Variants in MDGA2 observed in about 807,000 individuals in gnomAD.
MDGA2 encodes the protein MAM domain-containing glycosylphosphatidylinositol anchor protein 2.
In MDGA2, 40 loss-of-function variants were observed where a neutral mutation model predicts 117.8. The observed-to-expected ratio is 0.34, with a 90% confidence interval of 0.26 to 0.44. The LOEUF (loss-of-function observed/expected upper bound fraction) is 0.44, where lower values mean the gene tolerates loss of function less well. Among genes scored for constraint, MDGA2 ranks in the 20% least tolerant of loss-of-function variants. The pLI is 1.00. For synonymous variants in MDGA2, 452 were observed against 439.0 expected (o/e 1.03, Z -0.37); for missense variants, 1,123 against 1,250.6 (o/e 0.90, Z 1.54).
chr14:47,603,672 T>A (rs956597757), intron 1 of MDGA2, among the ~76,000 whole-genome samples: 9 of 152,128 alleles, frequency 5.9e-5, no homozygotes, highest in African/African-American at 1.9e-4. Flanking sequence ...CTTCCCTTCC[T>A]CGTTTCCTTC....
At chr14:47,553,525 G>C (rs1895626700) in intron 1 of MDGA2, among the ~76,000 whole-genome samples, 1 of 151,900 alleles carries the variant, frequency 6.6e-6, no homozygotes, top group African/African-American at 2.4e-5. Context: ...TAATAGTGTG[G>C]ACATTTGAAA....
intron 1 of MDGA2, among the ~76,000 whole-genome samples, chr14:47,543,912 T>G (rs935608056): frequency 6.6e-6 from 1 of 152,180 alleles, no homozygotes; most frequent in Non-Finnish European, 1.5e-5. Context: ...ATATGTAACA[T>G]AGAAAGGCTT....
intron 1 of MDGA2, among the ~76,000 whole-genome samples, chr14:47,502,104 G>T: frequency 6.6e-6 from 1 of 152,034 alleles, no homozygotes; most frequent in East Asian, 1.9e-4. Context: ...GACTTAAAAG[G>T]TCCATTTGAA....
At chr14:47,429,905 A>G (rs1326513518) in intron 1 of MDGA2, among the ~76,000 whole-genome samples, 2 of 150,600 alleles carry the variant, frequency 1.3e-5, no homozygotes, top group East Asian at 3.9e-4. Context: ...GGGGGACCAT[A>G]ACATTACATA....
chr14:46,962,433 C>T (rs1885848837), intron 8 of MDGA2, among the ~76,000 whole-genome samples: 1 of 152,132 alleles, frequency 6.6e-6, no homozygotes, highest in African/African-American at 2.4e-5. Context: ...CAACAGATCC[C>T]TCCCCTAGTG....
intron 1 of MDGA2, among the ~76,000 whole-genome samples, chr14:47,631,090 C>T (rs1438350433): frequency 2.6e-5 from 4 of 152,178 alleles, no homozygotes; most frequent in Non-Finnish European, 5.9e-5. Context: ...ATGTGATCAC[C>T]TGGAAGGCTT....
chr14:47,136,800 A>G (rs1164034452), intron 4 of MDGA2, among the ~76,000 whole-genome samples: 1 of 152,216 alleles, frequency 6.6e-6, no homozygotes, highest in Non-Finnish European at 1.5e-5. Context: ...GTAAGGTTTT[A>G]GTAAGCTTCC....
intron 2 of MDGA2, among the ~76,000 whole-genome samples, chr14:47,265,527 G>C (rs758497533): frequency 5.9e-5 from 9 of 151,628 alleles, no homozygotes; most frequent in Non-Finnish European, 1.0e-4. Flanking sequence ...GATAGTTTGA[G>C]TATGTTACTA....
At chr14:47,256,161 C>A (rs76126326) in intron 2 of MDGA2, among the ~76,000 whole-genome samples, 5,144 of 151,222 alleles carry the variant, frequency 0.034, 198 homozygotes, top group East Asian at 0.18. Context: ...TTATTCAAGC[C>A]CCACAGCAAC....
chr14:47,164,273 C>G (rs970078073), intron 3 of MDGA2, among the ~76,000 whole-genome samples: 18 of 152,274 alleles, frequency 1.2e-4, no homozygotes, highest in Middle Eastern at 3.4e-3. Context: ...ATTTTAGGCA[C>G]ATTCCACAGC....
At chr14:47,657,884 T>A (rs1373159814) in intron 1 of MDGA2, among the ~76,000 whole-genome samples, 1 of 152,166 alleles carries the variant, frequency 6.6e-6, no homozygotes, top group Non-Finnish European at 1.5e-5. Flanking sequence ...CAGTCCTAAA[T>A]TAATGACTAT....
intron 7 of MDGA2, among the ~76,000 whole-genome samples, chr14:47,060,318 G>A (rs768088538): frequency 6.6e-6 from 1 of 152,042 alleles, no homozygotes; most frequent in Non-Finnish European, 1.5e-5. Context: ...AGTGTTCACT[G>A]CAATTTGGAA....
chr14:46,996,012 A>G (rs543576896), intron 8 of MDGA2, among the ~76,000 whole-genome samples: 60 of 152,224 alleles, frequency 3.9e-4, no homozygotes, highest in Non-Finnish European at 6.5e-4. Context: ...ATATCCATCC[A>G]GTGTCTACTC....
intron 8 of MDGA2, among the ~76,000 whole-genome samples, chr14:46,960,927 T>C (rs567020110): frequency 2.9e-4 from 40 of 138,170 alleles, no homozygotes; most frequent in African/African-American, 1.2e-3. Context: ...TATATACATA[T>C]ATGTGTATGC....
chr14:46,983,479 T>C (rs1047205709), intron 8 of MDGA2, among the ~76,000 whole-genome samples: 1 of 152,150 alleles, frequency 6.6e-6, no homozygotes, highest in Admixed American at 6.6e-5. Context: ...AATAAAATAA[T>C]GCCTTTAAGT....
chr14:46,903,763 A>G (rs895227512), intron 10 of MDGA2, among the ~76,000 whole-genome samples: 5 of 152,146 alleles, frequency 3.3e-5, no homozygotes, highest in East Asian at 1.9e-4. Context: ...CAAAAAGCCT[A>G]CTTTATCTCG....
At position 47,200,643 on chromosome 14, in the gene MDGA2, C is replaced by T. The variant is rs940897646; in HGVS notation, c.595+17378G>A. Reference sequence around the variant, plus strand: ...TCAATTTTCTTCTCCACGTTCTTCTCGGCCTGTTTCCGTAGCCTCAAGAGC... The same window carrying T: ...TCAATTTTCTTCTCCACGTTCTTCTTGGCCTGTTTCCGTAGCCTCAAGAGC... On this transcript the variant is annotated intron_variant, in intron 3 of 16. Coordinates refer to ENST00000399232, the MANE Select transcript of MDGA2 (RefSeq NM_001113498.3). 1.1e-5 allele frequency: 14 copies of T among 1,258,096 alleles called. No homozygotes were observed. The South Asian group carries it at 1.1e-4, about 10-fold the overall frequency. 77.9% of individuals were successfully genotyped at this position (1,258,096 alleles called of 1,614,324 possible). A position where few individuals can be genotyped will look rare whatever the true frequency, so the allele number is the denominator to read the frequency against.
At chr14:47,261,191 C>T (rs912798379) in intron 2 of MDGA2, among the ~76,000 whole-genome samples, 1 of 152,046 alleles carries the variant, frequency 6.6e-6, no homozygotes, top group African/African-American at 2.4e-5. Context: ...ATTTTTGATG[C>T]CTCCTCAATA....
intron 11 of MDGA2, among the ~76,000 whole-genome samples, chr14:46,881,009 AACACACAC>A (rs72117373): frequency 4.9e-4 from 72 of 145,686 alleles, no homozygotes; most frequent in East Asian, 1.6e-3. Context: ...AACTATCACT[AACACACAC>A]ACACACACAC....
Sources: gnomAD v4.1 joint callset for allele counts (sites outside exome capture counted in the v4.1 genomes callset) on GRCh38, gnomAD v4.1.1 for gene constraint, MANE v1.5 for transcripts, NCBI Gene and HGNC (gene_info 2026-07-23, HGNC 2026-07-21) for gene names.